CRISPLD2: variants seen among roughly 807,000 people sequenced by gnomAD.
CRISPLD2 encodes the protein cysteine-rich secretory protein LCCL domain-containing 2.
Under a neutral mutation model 71.1 loss-of-function variants are expected in CRISPLD2, and 47 were observed. That is an observed-to-expected ratio of 0.66 (90% CI 0.52 to 0.84). The LOEUF is 0.84. Ranked by LOEUF, CRISPLD2 falls within the 40% of genes least tolerant of loss-of-function variation. CRISPLD2 has a pLI of 0.00. For synonymous variants in CRISPLD2, 317 were observed against 250.1 expected, an observed-to-expected ratio of 1.27 and a Z score of -2.52; for missense variants, 830 against 651.1, an observed-to-expected ratio of 1.27 and a Z score of -2.99.
chr16:84,821,236 C>T lies in CRISPLD2; in HGVS notation c.-75+1103C>T, dbSNP rs544672540. ...GAGAGCCTGCAGAACAGGACCGGGGCGTGGTCCTTTCCAGTAGACTGAGGC... is the reference window on the plus strand; with the variant it reads ...GAGAGCCTGCAGAACAGGACCGGGGTGTGGTCCTTTCCAGTAGACTGAGGC... On this transcript the variant is annotated intron_variant, in intron 1 of 14. Transcript: ENST00000262424. Among the ~76,000 whole-genome samples the T allele has an allele frequency of 9.2e-5, 14 of 152,288 alleles. No individual in the cohort carries two copies. In the East Asian group the frequency reaches 9.6e-4, roughly 10 times the overall value.
intron 1 of CRISPLD2, among the ~76,000 whole-genome samples, chr16:84,836,808 G>A (rs917960167): frequency 5.3e-5 from 8 of 152,146 alleles, no homozygotes; most frequent in Admixed American, 2.0e-4. Flanking sequence ...TGGTGCTATG[G>A]GGGTGAAGAC....
At chr16:84,873,591 TTC>T (rs1236405994) in intron 10 of CRISPLD2, 1 of 260,414 alleles carries the variant, frequency 3.8e-6, no homozygotes, top group East Asian at 7.7e-5. Context: ...TAATAATAAC[TTC>T]TTTGTAATGT....
At chr16:84,841,708 G>C (rs913849148) in intron 2 of CRISPLD2, among the ~76,000 whole-genome samples, 3 of 151,936 alleles carry the variant, frequency 2.0e-5, no homozygotes, top group Non-Finnish European at 2.9e-5. Flanking sequence ...CGATTCTCCT[G>C]TCTCGGCCTC....
At chr16:84,867,075 C>T (rs1567694240) in intron 7 of CRISPLD2, 35 bp downstream of exon 7, 1 of 1,602,742 alleles carries the variant, frequency 6.2e-7, no homozygotes, top group Admixed American at 1.7e-5. Context: ...CTCCTGCCCT[C>T]CCAGCCACCT....
At chr16:84,895,494 C>G (rs2071698288) in intron 14 of CRISPLD2, among the ~76,000 whole-genome samples, 1 of 152,180 alleles carries the variant, frequency 6.6e-6, no homozygotes, top group Non-Finnish European at 1.5e-5. Flanking sequence ...CCTCAGTTAA[C>G]TGCTGATTTA....
intron 7 of CRISPLD2, 145 bp downstream of exon 7, chr16:84,867,185 CA>C (rs1917565601): frequency 2.6e-6 from 2 of 773,274 alleles, no homozygotes; most frequent in Admixed American, 2.8e-5. Context: ...CATGGAGGCA[CA>C]ACCATAAGAC....
At chr16:84,846,734 G>A (rs560930489) in intron 3 of CRISPLD2, among the ~76,000 whole-genome samples, 1 of 152,264 alleles carries the variant, frequency 6.6e-6, no homozygotes, top group African/African-American at 2.4e-5. Context: ...TCCAGCCGTC[G>A]GGAAGCTCAC....
rs116206413 is a variant in CRISPLD2 at position 84,864,963 on chromosome 16, A to G, written c.710-1934A>G. On this transcript the variant is annotated intron_variant, in intron 6 of 14. Transcript: ENST00000262424. ...TGGGGTGGTGGTTGTAGGGTAGTGAAATTGGCCAGTGAAGCAGCTATGGAG... is the reference window on the plus strand; with the variant it reads ...TGGGGTGGTGGTTGTAGGGTAGTGAGATTGGCCAGTGAAGCAGCTATGGAG... 5.1e-3 allele frequency among the ~76,000 whole-genome samples: 776 copies of G among 152,206 alleles called. 3 individuals carry two copies. Among genetic ancestry groups the G allele is most frequent in the African/African-American group, 0.018 (733 of 41,544 alleles).
At chr16:84,849,658 A>G in intron 4 of CRISPLD2, 141 bp downstream of exon 4, 1 of 835,304 alleles carries the variant, frequency 1.2e-6, no homozygotes, top group Non-Finnish European at 1.8e-6. Flanking sequence ...TATACAGAGT[A>G]CAGCTGGGAG....
At chr16:84,839,146 C>T (rs1157461345) in intron 2 of CRISPLD2, 14 of 361,328 alleles carry the variant, frequency 3.9e-5, no homozygotes, top group Non-Finnish European at 7.6e-5. Context: ...CTCAGCCTCT[C>T]AAAGTGCTAG....
intron 14 of CRISPLD2, among the ~76,000 whole-genome samples, chr16:84,891,235 G>T (rs2071659691): frequency 6.6e-6 from 1 of 152,190 alleles, no homozygotes; most frequent in South Asian, 2.1e-4. Flanking sequence ...ATAAAATCAA[G>T]GCTGTAACTT....
At chr16:84,853,462 C>CATAACAGTGCCCA (rs1171452118) in intron 5 of CRISPLD2, among the ~76,000 whole-genome samples, 7 of 152,192 alleles carry the variant, frequency 4.6e-5, no homozygotes, top group African/African-American at 1.4e-4. Context: ...GTGTGCACGT[C>CATAACAGTGCCCA]ATAACAGTGC....
chr16:84,829,718 G>A (rs1208019574), intron 1 of CRISPLD2, among the ~76,000 whole-genome samples: 1 of 152,216 alleles, frequency 6.6e-6, no homozygotes, highest in East Asian at 1.9e-4. Flanking sequence ...TGAATGAATC[G>A]ACATTGTCCT....
intron 10 of CRISPLD2, chr16:84,873,477 C>CA (rs1188564241): frequency 0.038 from 837 of 22,292 alleles, 15 homozygotes; most frequent in South Asian, 0.096. Context: ...AACTCCGTCT[C>CA]AAAAAAAAAA....
At chr16:84,890,211 T>C (rs773296936) in intron 14 of CRISPLD2, among the ~76,000 whole-genome samples, 1 of 152,092 alleles carries the variant, frequency 6.6e-6, no homozygotes, top group Non-Finnish European at 1.5e-5. Flanking sequence ...TACAAAAAAT[T>C]AGCCAGGCGT....
chr16:84,894,169 T>A (rs2071686088), intron 14 of CRISPLD2, among the ~76,000 whole-genome samples: 1 of 152,114 alleles, frequency 6.6e-6, no homozygotes, highest in African/African-American at 2.4e-5. Flanking sequence ...CATAAGAGAC[T>A]AGCACCTGCT....
chr16:84,833,738 T>G (rs1181202323), intron 1 of CRISPLD2, among the ~76,000 whole-genome samples: 1 of 152,052 alleles, frequency 6.6e-6, no homozygotes, highest in African/African-American at 2.4e-5. Context: ...GGGGCGTGTT[T>G]GTGTTGGTGG....
chr16:84,885,359 G>A (rs1279919522), intron 13 of CRISPLD2, among the ~76,000 whole-genome samples: 1 of 152,224 alleles, frequency 6.6e-6, no homozygotes, highest in Non-Finnish European at 1.5e-5. Context: ...TTGCTCCTTA[G>A]TCTTTAGCAG....
At chr16:84,893,931 C>T (rs764036874) in intron 14 of CRISPLD2, among the ~76,000 whole-genome samples, 42 of 152,308 alleles carry the variant, frequency 2.8e-4, no homozygotes, top group Non-Finnish European at 1.8e-4. Flanking sequence ...CAGGCAGTCC[C>T]AAGGGAGACG....
Sources: allele counts gnomAD v4.1 joint callset (sites outside exome capture counted in the v4.1 genomes callset), GRCh38; gene constraint gnomAD v4.1.1; transcripts MANE v1.5; gene names NCBI Gene and HGNC (gene_info 2026-07-23, HGNC 2026-07-21).